The following CAMTA1 variants were observed in gnomAD, a reference collection of about 807,000 sequenced individuals.
CAMTA1 encodes calmodulin-binding transcription activator 1.
Under a neutral mutation model 170.9 loss-of-function variants are expected in CAMTA1, and 27 were observed. That is an observed-to-expected ratio of 0.16 (90% CI 0.12 to 0.22). The LOEUF is 0.22. CAMTA1 is among the 10% of genes least tolerant of loss of function. CAMTA1 has a pLI of 1.00. For synonymous variants in CAMTA1, 833 were observed against 891.5 expected, an observed-to-expected ratio of 0.93 and a Z score of 1.17; for missense variants, 1,619 against 2,217.2, an observed-to-expected ratio of 0.73 and a Z score of 5.42.
intron 3 of CAMTA1, among the ~76,000 whole-genome samples, chr1:6,896,102 C>T (rs559075058): frequency 3.1e-4 from 47 of 152,282 alleles, no homozygotes; most frequent in African/African-American, 1.1e-3. Flanking sequence ...GAAGCTGCTC[C>T]TCAAATTCTT....
intron 4 of CAMTA1, among the ~76,000 whole-genome samples, chr1:7,110,217 A>G (rs575765061): frequency 1.2e-3 from 178 of 152,134 alleles, no homozygotes; most frequent in African/African-American, 4.1e-3. Context: ...GAAGCACAGC[A>G]CATTTTCTGG....
intron 5 of CAMTA1, among the ~76,000 whole-genome samples, chr1:7,448,382 A>G (rs2092731211): frequency 6.6e-6 from 1 of 151,986 alleles, no homozygotes; most frequent in Non-Finnish European, 1.5e-5. Flanking sequence ...TGGAGGAAGG[A>G]CCCTCTGCCT....
At chr1:7,746,927 G>A (rs549095331) in intron 18 of CAMTA1, among the ~76,000 whole-genome samples, 8 of 152,136 alleles carry the variant, frequency 5.3e-5, no homozygotes, top group East Asian at 3.8e-4. Context: ...ATGAGCCACC[G>A]CACCCAGCCT....
At chr1:7,567,526 A>G (rs2095057870) in intron 6 of CAMTA1, among the ~76,000 whole-genome samples, 1 of 152,202 alleles carries the variant, frequency 6.6e-6, no homozygotes, top group Non-Finnish European at 1.5e-5. Context: ...CAGTGGATGG[A>G]TGGGAGACGT....
At position 7,680,869 on chromosome 1, in the gene CAMTA1, A is replaced by T. The variant is rs796641006; in HGVS notation, c.2914+3136A>T. Reference sequence around the variant, plus strand: ...GCGCGCGCGCGCGCGCGCCAGCAGCAGCAGCAGCAGCAGCTGCTGCGGCGA... The same window carrying T: ...GCGCGCGCGCGCGCGCGCCAGCAGCTGCAGCAGCAGCAGCTGCTGCGGCGA... On this transcript the variant is annotated intron_variant, in intron 11 of 22. Transcript: ENST00000303635. The surrounding 1 kb of genome is among the most constrained non-coding windows in gnomAD (Gnocchi z 4.4). Among the ~76,000 whole-genome samples, 40 of 120,068 alleles carry T rather than the reference A, an allele frequency of 3.3e-4. No individual in the cohort carries two copies. The South Asian group carries it at 0.01, about 30-fold the overall frequency. The allele number at this position is 120,068 out of a possible 152,430, so 78.8% of individuals were successfully genotyped here.
chr1:7,389,022 T>C (rs1406827374), intron 5 of CAMTA1, among the ~76,000 whole-genome samples: 2 of 152,150 alleles, frequency 1.3e-5, no homozygotes, highest in East Asian at 1.9e-4. Context: ...CTCCCAGCAC[T>C]GAGTAGGCAC....
intron 1 of CAMTA1, among the ~76,000 whole-genome samples, chr1:6,817,269 G>A (rs950215909): frequency 6.6e-6 from 1 of 152,244 alleles, no homozygotes; most frequent in Non-Finnish European, 1.5e-5. Context: ...ATCTTATACC[G>A]TCAGTTTTTG....
chr1:6,962,552 G>T (rs866459850), intron 3 of CAMTA1, among the ~76,000 whole-genome samples: 1 of 133,850 alleles, frequency 7.5e-6, no homozygotes, highest in Non-Finnish European at 1.6e-5. Flanking sequence ...CACCCATCTT[G>T]CCCCGCCCAC....
intron 5 of CAMTA1, among the ~76,000 whole-genome samples, chr1:7,398,683 G>GT (rs1553156439): frequency 2.0e-5 from 3 of 151,980 alleles, no homozygotes; most frequent in Non-Finnish European, 4.4e-5. Context: ...ATTTTTAAGT[G>GT]TTTTTTGGCT....
At position 7,173,534 on chromosome 1, in the gene CAMTA1, C is replaced by T. The variant is rs759957655; in HGVS notation, c.303-75957C>T. Among the ~76,000 whole-genome samples the T allele has an allele frequency of 4.6e-5, 7 of 152,062 alleles. No individual in the cohort carries two copies. Among genetic ancestry groups the T allele is most frequent in the African/African-American group, 1.4e-4 (6 of 41,468 alleles). ...TCTCAAGTAGCTGGGATTACAGGCA[C>T]GTGCCACCACACCAGGCTAATTTTG... On this transcript the variant is annotated intron_variant, in intron 4 of 22. Coordinates refer to ENST00000303635, the MANE Select transcript of CAMTA1 (RefSeq NM_015215.4). This position sits in a 1 kb window ranked among gnomAD's most constrained non-coding sequence, Gnocchi z 5.4.
At chr1:7,489,510 G>A (rs2093670878) in intron 6 of CAMTA1, among the ~76,000 whole-genome samples, 1 of 152,130 alleles carries the variant, frequency 6.6e-6, no homozygotes, top group Non-Finnish European at 1.5e-5. Flanking sequence ...CACTCCTTAG[G>A]CATCCATGCG....
chr1:6,947,343 T>C (rs1457032959), intron 3 of CAMTA1, among the ~76,000 whole-genome samples: 1 of 152,138 alleles, frequency 6.6e-6, no homozygotes. Flanking sequence ...ATGGAAAACA[T>C]GGGGTGTGTT....
At chr1:7,410,250 T>G (rs1472522902) in intron 5 of CAMTA1, among the ~76,000 whole-genome samples, 1 of 152,142 alleles carries the variant, frequency 6.6e-6, no homozygotes, top group Non-Finnish European at 1.5e-5. Flanking sequence ...AGAGACAGAA[T>G]GGGGAAGAAA....
At chr1:7,269,280 A>G (rs1171790625) in intron 5 of CAMTA1, among the ~76,000 whole-genome samples, 1 of 152,264 alleles carries the variant, frequency 6.6e-6, no homozygotes. Context: ...CAAGGGCTTC[A>G]GTTCTTAGCT....
intron 12 of CAMTA1, among the ~76,000 whole-genome samples, chr1:7,733,127 G>A (rs531624171): frequency 2.1e-4 from 32 of 152,118 alleles, no homozygotes; most frequent in African/African-American, 4.3e-4. Context: ...ACTTGAGCCC[G>A]GGAGGTTGAG....
intron 3 of CAMTA1, among the ~76,000 whole-genome samples, chr1:6,987,612 A>T (rs1298248968): frequency 6.6e-6 from 1 of 152,212 alleles, no homozygotes; most frequent in African/African-American, 2.4e-5. Flanking sequence ...TGGAAGGAAG[A>T]AGTTCTGACC....
chr1:6,973,142 A>T (rs912749696), intron 3 of CAMTA1, among the ~76,000 whole-genome samples: 2 of 152,194 alleles, frequency 1.3e-5, no homozygotes, highest in African/African-American at 4.8e-5. Context: ...ATGAGCCACC[A>T]CGCCTAGCCG....
chr1:7,086,279 A>T (rs1447481377), intron 3 of CAMTA1, among the ~76,000 whole-genome samples: 2 of 152,000 alleles, frequency 1.3e-5, no homozygotes, highest in African/African-American at 2.4e-5. Context: ...GGAGGAAGCT[A>T]AGGGAGCCAG....
Position 7,768,232 on chromosome 1 carries a change from A to G in CAMTA1, c.*1741A>G, listed in dbSNP as rs1443644652. The G allele has an allele frequency of 6.5e-6, 1 of 152,720 alleles. No individual in the cohort carries two copies. Among genetic ancestry groups the G allele is most frequent in the Non-Finnish European group, 1.5e-5 (1 of 68,022 alleles). The allele number at this position is 152,720 out of a possible 1,614,324, so 9.5% of individuals were successfully genotyped here. A position where few individuals can be genotyped will look rare whatever the true frequency, so the allele number is the denominator to read the frequency against. Reference sequence around the variant, plus strand: ...ATAAAATTGCACAAAAAAAAAAATGAAAAAGATGCAGACTGGTCTTTTAGA... The same window carrying G: ...ATAAAATTGCACAAAAAAAAAAATGGAAAAGATGCAGACTGGTCTTTTAGA... On this transcript the variant is annotated 3_prime_UTR_variant, in exon 23 of 23. Transcript: ENST00000303635.
Sources: allele counts gnomAD v4.1 joint callset (sites outside exome capture counted in the v4.1 genomes callset), GRCh38; gene constraint gnomAD v4.1.1; non-coding constraint Gnocchi (gnomAD v3.1); transcripts MANE v1.5; gene names NCBI Gene and HGNC (gene_info 2026-07-23, HGNC 2026-07-21).